ZSCAN2: variants seen among roughly 807,000 people sequenced by gnomAD.
ZSCAN2 encodes zinc finger and SCAN domain containing 2, also known as zinc finger and SCAN domain-containing protein 2.
ZSCAN2 carries 26 observed loss-of-function variants against 47.8 expected under a neutral mutation model. That is an observed-to-expected ratio of 0.54 (90% CI 0.40 to 0.75). ZSCAN2 has a LOEUF of 0.75. Ranked by LOEUF, ZSCAN2 falls within the 30% of genes least tolerant of loss-of-function variation. The pLI, the probability that ZSCAN2 is intolerant of heterozygous loss-of-function variation, is 0.00. For synonymous variants in ZSCAN2, 305 were observed against 288.7 expected (o/e 1.06, Z -0.57); for missense variants, 732 against 785.4 (o/e 0.93, Z 0.81).
In ZSCAN2 at chr15:84,603,955, A is replaced by C. The variant is rs1895289873; in HGVS notation, c.28A>C (p.Thr10Pro). Residue 10 changes from threonine (T) to proline (P), a missense_variant, in exon 2 of 3, where the codon ACC becomes CCC. Physicochemically the swap from Thr to Pro is conservative, Grantham distance 38. Transcript: ENST00000546148. ...GATGGCTGCAGACATCCCGAGAGTG[A>C]CCACTCCGCTGAGCTCCTTGGTCCA... MMAADIPRV[T>P]TPLSSLVQVP... is the part of the protein sequence containing the mutation. 5 of 1,613,830 alleles carry C rather than the reference A, an allele frequency of 3.1e-6. No homozygotes were observed. The East Asian group carries it at 1.1e-4, about 36-fold the overall frequency.
At chr15:84,604,707 A>G (rs1895322706) in intron 2 of ZSCAN2, among the ~76,000 whole-genome samples, 1 of 148,874 alleles carries the variant, frequency 6.7e-6, no homozygotes, top group South Asian at 2.2e-4. Context: ...AAACAATCTG[A>G]TATTTTCAAC....
chr15:84,619,965 A>G (rs1302756333), intron 2 of ZSCAN2, among the ~76,000 whole-genome samples: 2 of 142,436 alleles, frequency 1.4e-5, no homozygotes, highest in African/African-American at 5.3e-5. Flanking sequence ...TTTTAGGTTC[A>G]GGGGTACATG....
In ZSCAN2 at chr15:84,622,542, CTCTTCTGGCTTTGGTG is replaced by C. The variant is rs1285393796; in HGVS notation, c.*507_*522del. ...ACCCCAAGCTGTCAGTTAGAATCTGCTCTTCTGGCTTTGGTGTCTTGGGCTTTGATTTCAGGTCAAG... is the reference window on the plus strand; with the variant it reads ...ACCCCAAGCTGTCAGTTAGAATCTGCTCTTGGGCTTTGATTTCAGGTCAAG... On this transcript the variant is annotated 3_prime_UTR_variant, in exon 3 of 3. Coordinates refer to ENST00000546148, the MANE Select transcript of ZSCAN2 (RefSeq NM_181877.4). 1.4e-6 allele frequency: 1 copy of C among 705,500 alleles called. No homozygotes were observed. The highest frequency in any genetic ancestry group is 2.7e-5 in the East Asian group (1 of 37,098). 43.7% of individuals were successfully genotyped at this position (705,500 alleles called of 1,614,324 possible).
chr15:84,618,437 A>G (rs115363621), intron 2 of ZSCAN2, among the ~76,000 whole-genome samples: 1,692 of 152,198 alleles, frequency 0.011, 26 homozygotes, highest in African/African-American at 0.036. Context: ...AAAAAAGTGC[A>G]GCTTTTTTTA....
intron 2 of ZSCAN2, among the ~76,000 whole-genome samples, chr15:84,605,445 G>A (rs1895352098): frequency 6.6e-6 from 1 of 152,238 alleles, no homozygotes; most frequent in East Asian, 1.9e-4. Context: ...TTGTAGAAGG[G>A]AGTAGGGTGT....
intron 2 of ZSCAN2, chr15:84,616,604 T>C (rs927497347): frequency 1.6e-6 from 2 of 1,231,876 alleles, no homozygotes; most frequent in African/African-American, 3.1e-5. Flanking sequence ...AATTGGATTT[T>C]ACTTGTTTTC....
intron 2 of ZSCAN2, among the ~76,000 whole-genome samples, chr15:84,605,955 G>A (rs1895367848): frequency 6.6e-6 from 1 of 152,230 alleles, no homozygotes; most frequent in Non-Finnish European, 1.5e-5. Flanking sequence ...AAGATCATGT[G>A]CCTTTGTACC....
intron 2 of ZSCAN2, chr15:84,616,607 T>C: frequency 8.2e-7 from 1 of 1,222,352 alleles, no homozygotes; most frequent in Admixed American, 4.3e-5. Flanking sequence ...TGGATTTTAC[T>C]TGTTTTCCTT....
In ZSCAN2 at chr15:84,619,246, A is replaced by G. The variant is rs564337743; in HGVS notation, c.407-1356A>G. Among the ~76,000 whole-genome samples, 25 of 152,236 alleles carry G rather than the reference A, an allele frequency of 1.6e-4. No homozygotes were observed. In the South Asian group the frequency reaches 5.0e-3, roughly 30 times the overall value. The stretch of plus-strand genomic sequence containing the variant: ...GGAGATCGAGACCATCCTGGCTAAC[A>G]TGGTGAAACCCCGTCTCTCTAAAAA... On this transcript the variant is annotated intron_variant, in intron 2 of 2. Coordinates refer to ENST00000546148, the MANE Select transcript of ZSCAN2 (RefSeq NM_181877.4).
rs1203936232 is a variant in ZSCAN2, at chr15:84,604,304, A to T, written c.377A>T (p.Glu126Val). The T allele has an allele frequency of 6.2e-7, 1 of 1,612,968 alleles. No individual in the cohort carries two copies. The highest frequency in any genetic ancestry group is 8.5e-7 in the Non-Finnish European group (1 of 1,179,370). Reference protein sequence around the residue: ...ESSEEAAALVEDLTQTLQDSD... With the variant: ...ESSEEAAALVVDLTQTLQDSD... ...AGTGAGGAGGCAGCGGCCCTGGTGG[A>T]AGACTTGACCCAGACCCTTCAGGAC... is the stretch of plus-strand genomic sequence containing the variant. Residue 126 changes from glutamate to valine, a missense_variant, in exon 2 of 3, where the codon GAA becomes GTA. This residue lies in a region of ZSCAN2 where 320 missense variants were observed against 287.4 expected (regional missense o/e 1.11). Coordinates refer to ENST00000546148, the MANE Select transcript of ZSCAN2 (RefSeq NM_181877.4).
intron 2 of ZSCAN2, among the ~76,000 whole-genome samples, chr15:84,608,392 G>C (rs760400661): frequency 6.6e-6 from 1 of 151,996 alleles, no homozygotes; most frequent in Admixed American, 6.6e-5. Flanking sequence ...AATCAGCCAG[G>C]CATGGTGGCA....
Position 84,601,133 on chromosome 15 carries a change from G to C in ZSCAN2, c.-111G>C, listed in dbSNP as rs1895188069. ...GCTAGAGCAGGACCTGGTCTCCCGA[G>C]AGGTGAGCCGGAGAGGCAGGCCTGG... On this transcript the variant is annotated splice_region_variant and 5_prime_UTR_variant, in exon 1 of 3. Transcript: ENST00000546148. 1 of 152,416 alleles carries C rather than the reference G, an allele frequency of 6.6e-6. No individual in the cohort carries two copies. The highest frequency in any genetic ancestry group is 1.9e-4 in the East Asian group (1 of 5,188). 9.4% of individuals were successfully genotyped at this position (152,416 alleles called of 1,614,324 possible).
At chr15:84,605,860 A>G (rs1230896463) in intron 2 of ZSCAN2, among the ~76,000 whole-genome samples, 2 of 152,224 alleles carry the variant, frequency 1.3e-5, no homozygotes, top group Admixed American at 1.3e-4. Context: ...AAGCCAGGAA[A>G]TATGCTTAGC....
intron 2 of ZSCAN2, among the ~76,000 whole-genome samples, chr15:84,616,112 CTGTAAT>C (rs1895685963): frequency 6.6e-6 from 1 of 152,018 alleles, no homozygotes; most frequent in Non-Finnish European, 1.5e-5. Context: ...TGGTGTGCAC[CTGTAAT>C]TCCAGCTTGT....
chr15:84,603,848 G>C lies in ZSCAN2; in HGVS notation c.-80G>C, dbSNP rs1895286672. 1 of 1,471,540 alleles carries C rather than the reference G, an allele frequency of 6.8e-7. No homozygotes were observed. The highest frequency in any genetic ancestry group is 9.2e-7 in the Non-Finnish European group (1 of 1,085,982). The allele number at this position is 1,471,540 out of a possible 1,614,324, so 91.2% of individuals were successfully genotyped here. A position where few individuals can be genotyped will look rare whatever the true frequency, so the allele number is the denominator to read the frequency against. On this transcript the variant is annotated 5_prime_UTR_variant, in exon 2 of 3. Transcript: ENST00000546148. ...GACTACTTGTTGATATTTGAGGAGGGAAGTGTCTTACCTGAGAGCCTGGCT... is the reference window on the plus strand; with the variant it reads ...GACTACTTGTTGATATTTGAGGAGGCAAGTGTCTTACCTGAGAGCCTGGCT...
intron 1 of ZSCAN2, among the ~76,000 whole-genome samples, 183 bp from the exon 2 acceptor site, chr15:84,603,637 C>CA (rs1895279266): frequency 6.6e-6 from 1 of 152,124 alleles, no homozygotes; most frequent in African/African-American, 2.4e-5. Flanking sequence ...ACACTGCACC[C>CA]AGCCTTCTTT....
rs1257392080 is a variant in ZSCAN2 at position 84,604,178 on chromosome 15, G to A, written c.251G>A (p.Cys84Tyr). 6.2e-7 allele frequency: 1 copy of A among 1,613,582 alleles called. No homozygotes were observed. The highest frequency in any genetic ancestry group is 8.5e-7 in the Non-Finnish European group (1 of 1,179,880). The stretch of plus-strand genomic sequence containing the variant: ...GCACTCGGCCGCCTCCGAGAGCTCT[G>A]CCGGCGCTGGCTGAGACCAGAGGTA... ...QGALGRLREL[C>Y]RRWLRPEVHT... The change falls in exon 2 of 3, where the codon TGC becomes TAC. Residue 84 changes from cysteine (C) to tyrosine (Y), a missense_variant. Physicochemically the swap from Cys to Tyr is radical, Grantham distance 194. Around this residue, in one of 2 missense-constraint regions of ZSCAN2, gnomAD observed 320 missense variants for 287.4 expected, o/e 1.11. Transcript: ENST00000546148.
At chr15:84,612,601 G>A (rs1895582917) in intron 2 of ZSCAN2, among the ~76,000 whole-genome samples, 1 of 152,154 alleles carries the variant, frequency 6.6e-6, no homozygotes, top group African/African-American at 2.4e-5. Context: ...CGGACGTGGT[G>A]TCCGGCGCCT....
In ZSCAN2 at chr15:84,620,587, T is replaced by C. The variant is rs1455281202; in HGVS notation, c.407-15T>C. On this transcript the variant is annotated splice_polypyrimidine_tract_variant and intron_variant, in intron 2 of 2. Transcript: ENST00000546148. ...GAGTTGAGTAGACATTGTATGTTTT[T>C]CTTCATTGTTTCAGATTTTGAGATA... The C allele has an allele frequency of 6.3e-7, 1 of 1,583,714 alleles. No individual in the cohort carries two copies. The highest frequency in any genetic ancestry group is 1.3e-5 in the African/African-American group (1 of 74,370).
Sources: allele counts gnomAD v4.1 joint callset (sites outside exome capture counted in the v4.1 genomes callset), GRCh38; gene constraint gnomAD v4.1.1; regional missense constraint gnomAD v4.1.1; transcripts MANE v1.5; gene names NCBI Gene and HGNC (gene_info 2026-07-23, HGNC 2026-07-21).